GOLGA1: variants seen among roughly 807,000 people sequenced by gnomAD.
GOLGA1 encodes golgin subfamily A member 1.
A neutral mutation model predicts 119.7 loss-of-function variants in GOLGA1; 63 were observed. That is an observed-to-expected ratio of 0.53 (90% CI 0.43 to 0.65). The LOEUF (loss-of-function observed/expected upper bound fraction) is 0.65. Ranked by LOEUF, GOLGA1 falls within the 30% of genes least tolerant of loss-of-function variation. The pLI is 0.00. For missense variants in GOLGA1, 798 were observed against 912.8 expected, an observed-to-expected ratio of 0.87 and a Z score of 1.62; for synonymous variants, 318 against 333.4, an observed-to-expected ratio of 0.95 and a Z score of 0.50.
At chr9:124,932,831 T>C (rs1830795314) in intron 3 of GOLGA1, among the ~76,000 whole-genome samples, 1 of 152,194 alleles carries the variant, frequency 6.6e-6, no homozygotes, top group Non-Finnish European at 1.5e-5. Context: ...CTTCTAGCTG[T>C]GCCCTCACAT....
intron 10 of GOLGA1, among the ~76,000 whole-genome samples, chr9:124,918,204 G>A (rs910328534): frequency 6.6e-6 from 1 of 152,058 alleles, no homozygotes; most frequent in Non-Finnish European, 1.5e-5. Context: ...TTTTCTTTCA[G>A]AACACTCATC....
At chr9:124,939,550 CTTTTTTTTTTTTTT>C (rs3051147) in intron 2 of GOLGA1, among the ~76,000 whole-genome samples, 3 of 81,844 alleles carry the variant, frequency 3.7e-5, no homozygotes, top group South Asian at 3.8e-4. Flanking sequence ...TTCTTTCTTT[CTTTTTTTTTTTTTT>C]TTTTTTTTTT....
chr9:124,900,403 A>C, intron 13 of GOLGA1, 49 bp downstream of exon 13: 1 of 942,062 alleles, frequency 1.1e-6, no homozygotes, highest in Non-Finnish European at 1.8e-6. Flanking sequence ...AAAGGCCTGG[A>C]GAGAAAGCAT....
rs1830915660 is a variant in GOLGA1 at position 124,938,151 on chromosome 9, A to C, written c.135+426T>G. 4.6e-5 allele frequency among the ~76,000 whole-genome samples: 7 copies of C among 152,258 alleles called. No individual in the cohort carries two copies. In the South Asian group the frequency reaches 1.2e-3, roughly 27 times the overall value. ...CTGTAATCACTGGGGCCATCTTTCC[A>C]ACAATCGTCCCAATACAACAATGCA... On this transcript the variant is annotated intron_variant, in intron 3 of 22. Transcript: ENST00000373555.
chr9:124,896,188 T>C (rs141276041), intron 15 of GOLGA1, among the ~76,000 whole-genome samples: 1 of 152,114 alleles, frequency 6.6e-6, no homozygotes, highest in Non-Finnish European at 1.5e-5. Flanking sequence ...CCAACGCAGG[T>C]GGATCACTTG....
chr9:124,915,112 TCA>T (rs1357855570), intron 10 of GOLGA1, among the ~76,000 whole-genome samples: 3 of 152,206 alleles, frequency 2.0e-5, no homozygotes, highest in Admixed American at 6.5e-5. Context: ...AGTCTGGGTC[TCA>T]CAGTTATAGT....
At chr9:124,882,358 C>G (rs1238050344) in intron 20 of GOLGA1, 152 bp downstream of exon 20, 2 of 641,544 alleles carry the variant, frequency 3.1e-6, no homozygotes, top group African/African-American at 3.6e-5. Context: ...GCAGGCTGTC[C>G]CACCAGCTAA....
At chr9:124,915,021 G>C (rs902822210) in intron 10 of GOLGA1, among the ~76,000 whole-genome samples, 1 of 152,100 alleles carries the variant, frequency 6.6e-6, no homozygotes, top group Non-Finnish European at 1.5e-5. Context: ...TGTGGACTAC[G>C]GGAACAGTTA....
chr9:124,882,515 C>G lies in GOLGA1; in HGVS notation c.1960G>C (p.Glu654Gln). 6.2e-7 allele frequency: 1 copy of G among 1,610,712 alleles called. No homozygotes were observed. The highest frequency in any genetic ancestry group is 1.1e-5 in the South Asian group (1 of 90,888). ...MLELRKTLQK[E>Q]LKIRPDNELF... is the part of the protein sequence containing the mutation. ...GCTCCCATGCGAGTACTCACCAGCT[C>G]CTTCTGCAGAGTCTTCCGGAGCTCC... The change falls in exon 20 of 23, where the codon GAG becomes CAG. Residue 654 changes from glutamate to glutamine, a missense_variant. Transcript: ENST00000373555.
At chr9:124,921,953 C>G (rs138934441) in intron 8 of GOLGA1, 61 bp from the exon 9 acceptor site, 3 of 1,405,166 alleles carry the variant, frequency 2.1e-6, no homozygotes, top group Non-Finnish European at 2.0e-6. Flanking sequence ...TAAGATCAGG[C>G]ATGCTGGCTC....
chr9:124,933,284 G>A (rs541767994), intron 3 of GOLGA1, among the ~76,000 whole-genome samples: 29 of 152,266 alleles, frequency 1.9e-4, no homozygotes, highest in African/African-American at 6.3e-4. Context: ...GTTGGTCCTT[G>A]GCTGGCATCT....
chr9:124,927,543 CTG>C (rs1185350383), intron 6 of GOLGA1, among the ~76,000 whole-genome samples: 6 of 150,010 alleles, frequency 4.0e-5, no homozygotes, highest in African/African-American at 1.4e-4. Flanking sequence ...ATAATAAACT[CTG>C]TCTTAATAAA....
chr9:124,921,119 T>C lies in GOLGA1; in HGVS notation c.843+10A>G. 2 of 1,493,824 alleles carry C rather than the reference T, an allele frequency of 1.3e-6. No homozygotes were observed. The highest frequency in any genetic ancestry group is 3.4e-5 in the Admixed American group (2 of 59,508). 92.5% of individuals were successfully genotyped at this position (1,493,824 alleles called of 1,614,324 possible). A position where few individuals can be genotyped will look rare whatever the true frequency, so the allele number is the denominator to read the frequency against. Reference sequence around the variant, plus strand: ...TAGAAATCCAGGTCTTCTCCTCATATTCTACTTACCTTTTGCAAATCAATG... The same window carrying C: ...TAGAAATCCAGGTCTTCTCCTCATACTCTACTTACCTTTTGCAAATCAATG... On this transcript the variant is annotated intron_variant, in intron 10 of 22. Transcript: ENST00000373555.
chr9:124,908,411 C>A lies in GOLGA1; in HGVS notation c.1031G>T (p.Ser344Ile). Residue 344 changes from serine to isoleucine, a missense_variant, in exon 12 of 23, where the codon AGC (serine) becomes ATC (isoleucine). Ser to Ile is a moderately radical substitution (Grantham distance 142, BLOSUM62 -2). Transcript: ENST00000373555. ...CAGGGTGTTAATGGCCTTAGCCTGG[C>A]TGCTTCTGGCTGCCAAGAGCTGTTG... is the stretch of plus-strand genomic sequence containing the variant. ...TRQQLLAARS[S>I]QAKAINTLET... The A allele has an allele frequency of 6.2e-7, 1 of 1,610,738 alleles. No individual in the cohort carries two copies. Among genetic ancestry groups the A allele is most frequent in the Non-Finnish European group, 8.5e-7 (1 of 1,176,856 alleles).
intron 14 of GOLGA1, 26 bp downstream of exon 14, chr9:124,899,303 C>A: frequency 6.6e-7 from 1 of 1,525,862 alleles, no homozygotes; most frequent in Non-Finnish European, 8.9e-7. Context: ...GCTCCTGGGC[C>A]CACCCTCTCT....
At position 124,931,341 on chromosome 9, in the gene GOLGA1, T is replaced by C. The variant is rs771308865; in HGVS notation, c.201A>G (p.Ile67Met). Residue 67 changes from isoleucine to methionine, a missense_variant, in exon 4 of 23, where the codon ATA becomes ATG. Transcript: ENST00000373555. Reference protein sequence around the residue: ...SSQLLRRNEQIRKLEARLSDY... With the variant: ...SSQLLRRNEQMRKLEARLSDY... ...CAGAAAGTCTGGCCTCTAACTTCCGTATCTGTTCATTCCTTCTCAGAAGCT... is the reference window on the plus strand; with the variant it reads ...CAGAAAGTCTGGCCTCTAACTTCCGCATCTGTTCATTCCTTCTCAGAAGCT... 1.9e-6 allele frequency: 3 copies of C among 1,581,964 alleles called. No individual in the cohort carries two copies. The highest frequency in any genetic ancestry group is 2.6e-6 in the Non-Finnish European group (3 of 1,150,782).
Position 124,912,024 on chromosome 9 carries a change from G to T in GOLGA1, c.846C>A (p.Val282=). The T allele has an allele frequency of 6.2e-7, 1 of 1,612,914 alleles. No individual in the cohort carries two copies. Among genetic ancestry groups the T allele is most frequent in the South Asian group, 1.1e-5 (1 of 90,996 alleles). ...CTTCTTTCTCTTGAGTTTCAGCAGT[G>T]ACCTGCAGGTGAAAGCAGAGATCAC... The part of the protein sequence containing the change: ...IQQLSIDLQK[V]TAETQEKEDV... Residue 282 remains valine (V), a splice_region_variant and synonymous_variant, in exon 11 of 23, where the codon GTC becomes GTA. Coordinates refer to ENST00000373555, the MANE Select transcript of GOLGA1 (RefSeq NM_002077.4).
At chr9:124,887,903 A>G (rs1225138814) in intron 19 of GOLGA1, among the ~76,000 whole-genome samples, 2 of 152,236 alleles carry the variant, frequency 1.3e-5, no homozygotes, top group Non-Finnish European at 2.9e-5. Context: ...GGCAGCTATC[A>G]GTGCTTTACT....
intron 12 of GOLGA1, among the ~76,000 whole-genome samples, chr9:124,900,970 A>ATTT (rs1214606701): frequency 4.4e-5 from 6 of 136,746 alleles, no homozygotes; most frequent in Non-Finnish European, 7.9e-5. Context: ...TTCACACAGT[A>ATTT]TTTTTTTTTT....
Sources: allele counts gnomAD v4.1 joint callset (sites outside exome capture counted in the v4.1 genomes callset), GRCh38; gene constraint gnomAD v4.1.1; transcripts MANE v1.5; gene names NCBI Gene and HGNC (gene_info 2026-07-23, HGNC 2026-07-21).